The following CPNE2 variants were observed in gnomAD, a reference collection of about 807,000 sequenced individuals.
CPNE2 encodes the protein copine 2.
CPNE2 carries 42 observed loss-of-function variants against 69.7 expected under a neutral mutation model. The observed-to-expected ratio is 0.60, with a 90% CI of 0.47 to 0.78. CPNE2 has a LOEUF of 0.78. Ranked by LOEUF, CPNE2 falls within the 30% of genes least tolerant of loss-of-function variation. The pLI is 0.00. For missense variants in CPNE2, 587 were observed against 732.0 expected, an observed-to-expected ratio of 0.80 and a Z score of 2.29; for synonymous variants, 294 against 289.8, an observed-to-expected ratio of 1.01 and a Z score of -0.15.
chr16:57,119,763 A>T (rs2069747897), intron 7 of CPNE2, 113 bp downstream of exon 7: 2 of 668,504 alleles, frequency 3.0e-6, no homozygotes, highest in East Asian at 5.7e-5. Flanking sequence ...AGTGGAACGA[A>T]CCCCCATCTT....
At chr16:57,109,094 C>T (rs1258259489) in intron 1 of CPNE2, among the ~76,000 whole-genome samples, 4 of 152,110 alleles carry the variant, frequency 2.6e-5, no homozygotes, top group Admixed American at 6.5e-5. Flanking sequence ...AAAGGGGTCC[C>T]GATCCAGACC....
chr16:57,105,648 T>C (rs1176066474), intron 1 of CPNE2, among the ~76,000 whole-genome samples: 2 of 152,130 alleles, frequency 1.3e-5, no homozygotes, highest in Non-Finnish European at 1.5e-5. Context: ...GGAGTATTTG[T>C]TGAATGAACC....
In CPNE2 at chr16:57,127,725, AG is replaced by A. The variant is rs2069810551; in HGVS notation, c.1062-122del. ...AGATGATCCTAACAGCTTTTTCTAG[AG>A]GTGGTGAGCTCCTCCTTTCTGTCCT... On this transcript the variant is annotated intron_variant, in intron 11 of 15. Coordinates refer to ENST00000290776, the MANE Select transcript of CPNE2 (RefSeq NM_152727.6). 7.0e-5 allele frequency: 64 copies of A among 912,868 alleles called. No individual in the cohort carries two copies. The South Asian group carries it at 7.8e-4, about 11-fold the overall frequency. 56.5% of individuals were successfully genotyped at this position (912,868 alleles called of 1,614,324 possible).
At chr16:57,093,291 A>G (rs1278090924) in intron 1 of CPNE2, among the ~76,000 whole-genome samples, 8 of 144,762 alleles carry the variant, frequency 5.5e-5, no homozygotes, top group African/African-American at 2.0e-4. Context: ...CTGGGAGCGC[A>G]GAGGGGGAGT....
chr16:57,125,728 C>A (rs1212270861), intron 10 of CPNE2, 132 bp from the exon 11 acceptor site: 3 of 1,113,540 alleles, frequency 2.7e-6, no homozygotes, highest in Non-Finnish European at 2.5e-6. Context: ...AGGTTTCAGA[C>A]CATCTTATTG....
rs975602863 is a variant in CPNE2 at position 57,123,255 on chromosome 16, G to T, written c.868-159G>T. On this transcript the variant is annotated intron_variant, in intron 9 of 15. Transcript: ENST00000290776. ...TAGGAACCATTGCACTGAAGGCTTTGTTATAGAGAGATTTGGGTTTTGTTG... is the reference window on the plus strand; with the variant it reads ...TAGGAACCATTGCACTGAAGGCTTTTTTATAGAGAGATTTGGGTTTTGTTG... The T allele has an allele frequency of 5.0e-5, 36 of 725,490 alleles. 1 individual carries two copies. The highest frequency in any genetic ancestry group is 4.8e-4 in the Middle Eastern group (2 of 4,126). 44.9% of individuals were successfully genotyped at this position (725,490 alleles called of 1,614,324 possible). A position where few individuals can be genotyped will look rare whatever the true frequency, so the allele number is the denominator to read the frequency against.
At position 57,115,533 on chromosome 16, in the gene CPNE2, G is replaced by T. The variant is rs1597495037; in HGVS notation, c.418G>T (p.Gly140Trp). ...PLLLLNDKPAGKGLITIAAQE... is the reference protein window; with the variant it reads ...PLLLLNDKPAWKGLITIAAQE... The stretch of plus-strand genomic sequence containing the variant: ...GCTGCTGCTGAATGACAAGCCTGCG[G>T]GGAAGGGCTTGATTACGGTACCAGT... Residue 140 changes from glycine to tryptophan, a missense_variant, in exon 4 of 16, where the codon GGG (glycine) becomes TGG (tryptophan). Around this residue, in one of 5 missense-constraint regions of CPNE2, gnomAD observed 269 missense variants for 300.5 expected, o/e 0.90. Transcript: ENST00000290776. The T allele has an allele frequency of 1.2e-6, 2 of 1,612,156 alleles. No homozygotes were observed. The highest frequency in any genetic ancestry group is 4.5e-5 in the East Asian group (2 of 44,634).
At chr16:57,121,276 G>A in intron 8 of CPNE2, 85 bp downstream of exon 8, 1 of 1,144,444 alleles carries the variant, frequency 8.7e-7, no homozygotes, top group Non-Finnish European at 1.3e-6. Flanking sequence ...GCAGCCTGGG[G>A]CTGAGATCCC....
chr16:57,130,392 A>G lies in CPNE2; in HGVS notation c.1116+2489A>G, dbSNP rs546448272. ...TTAATTAATTAATTAATTAAAATAA[A>G]AAAAGAGACAGCTGCATGAGAGAGC... On this transcript the variant is annotated intron_variant, in intron 12 of 15. Coordinates refer to ENST00000290776, the MANE Select transcript of CPNE2 (RefSeq NM_152727.6). This position sits in a 1 kb window ranked among gnomAD's most constrained non-coding sequence, Gnocchi z 4.1. 6.6e-6 allele frequency among the ~76,000 whole-genome samples: 1 copy of G among 152,154 alleles called. No homozygotes were observed. Among genetic ancestry groups the G allele is most frequent in the South Asian group, 2.1e-4 (1 of 4,818 alleles).
chr16:57,096,928 A>G (rs887484594), intron 1 of CPNE2, among the ~76,000 whole-genome samples: 1 of 152,014 alleles, frequency 6.6e-6, no homozygotes, highest in Non-Finnish European at 1.5e-5. Flanking sequence ...TGTCCACACC[A>G]CAGGGCCTTT....
intron 5 of CPNE2, among the ~76,000 whole-genome samples, chr16:57,118,109 T>C (rs2069733159): frequency 6.6e-6 from 1 of 151,910 alleles, no homozygotes; most frequent in Non-Finnish European, 1.5e-5. Flanking sequence ...TGGTCTTCAA[T>C]TTCCCACCCC....
chr16:57,125,574 A>G (rs2145264294), intron 10 of CPNE2: 1 of 462,768 alleles, frequency 2.2e-6, no homozygotes, highest in Non-Finnish European at 4.0e-6. Context: ...GAATGTGTGG[A>G]TAGGGATAGT....
chr16:57,122,905 CTTT>C (rs34556326), intron 9 of CPNE2, among the ~76,000 whole-genome samples: 13 of 145,540 alleles, frequency 8.9e-5, no homozygotes, highest in Admixed American at 1.4e-4. Context: ...TTTCTTTTCT[CTTT>C]TTTTTTTTTT....
At chr16:57,132,656 C>A (rs2069846641) in intron 12 of CPNE2, among the ~76,000 whole-genome samples, 1 of 152,192 alleles carries the variant, frequency 6.6e-6, no homozygotes, top group South Asian at 2.1e-4. Flanking sequence ...TCATCAGCTT[C>A]TGTGGCCTCC....
chr16:57,132,831 T>C (rs2069847663), intron 12 of CPNE2, among the ~76,000 whole-genome samples: 1 of 151,998 alleles, frequency 6.6e-6, no homozygotes, highest in African/African-American at 2.4e-5. Flanking sequence ...AGCTATGAAA[T>C]GGAGTTGCTG....
At chr16:57,095,315 G>T (rs1448683208) in intron 1 of CPNE2, among the ~76,000 whole-genome samples, 1 of 152,248 alleles carries the variant, frequency 6.6e-6, no homozygotes, top group African/African-American at 2.4e-5. Flanking sequence ...CACAGTGCCT[G>T]AGGACAGAGC....
intron 1 of CPNE2, among the ~76,000 whole-genome samples, chr16:57,105,428 C>A (rs999107633): frequency 2.7e-5 from 4 of 148,832 alleles, no homozygotes; most frequent in African/African-American, 1.0e-4. Context: ...CCTATGTGTC[C>A]GGTTTTTTTT....
chr16:57,108,573 C>A (rs182060231), intron 1 of CPNE2, among the ~76,000 whole-genome samples: 92 of 152,296 alleles, frequency 6.0e-4, no homozygotes, highest in Non-Finnish European at 1.1e-3. Context: ...TGCACACATG[C>A]CAGTGGAAAT....
intron 5 of CPNE2, 40 bp downstream of exon 5, chr16:57,117,607 G>GC: frequency 6.2e-7 from 1 of 1,600,882 alleles, no homozygotes; most frequent in South Asian, 1.1e-5. Context: ...GGGAACAGTA[G>GC]CCCCCACCAG....
Sources: gnomAD v4.1 joint callset for allele counts (sites outside exome capture counted in the v4.1 genomes callset) on GRCh38, gnomAD v4.1.1 for gene constraint, gnomAD v4.1.1 regional missense constraint, Gnocchi (gnomAD v3.1) non-coding constraint, MANE v1.5 for transcripts, NCBI Gene and HGNC (gene_info 2026-07-23, HGNC 2026-07-21) for gene names.